The following CHD9 variants were observed in gnomAD, a reference collection of about 807,000 sequenced individuals.
CHD9 encodes the protein ATP-dependent chromatin remodeler CHD9.
CHD9 carries 77 observed loss-of-function variants against 316.1 expected under a neutral mutation model. That is an observed-to-expected ratio of 0.24 (90% CI 0.20 to 0.29). The LOEUF (loss-of-function observed/expected upper bound fraction) is 0.29. Among genes scored for constraint, CHD9 ranks in the 10% least tolerant of loss-of-function variants. The pLI, the probability that CHD9 is intolerant of heterozygous loss-of-function variation, is 1.00. For synonymous variants in CHD9, 1,129 were observed against 1,158.3 expected, an observed-to-expected ratio of 0.97 and a Z score of 0.51; for missense variants, 2,763 against 3,438.1, an observed-to-expected ratio of 0.80 and a Z score of 4.91.
At position 53,314,451 on chromosome 16, in the gene CHD9, G is replaced by A; in HGVS notation, c.7297G>A (p.Gly2433Arg). 6.3e-7 allele frequency: 1 copy of A among 1,586,022 alleles called. No individual in the cohort carries two copies. The highest frequency in any genetic ancestry group is 8.6e-7 in the Non-Finnish European group (1 of 1,164,620). The change falls in exon 35 of 39, where the codon GGA becomes AGA. Residue 2433 changes from glycine (G) to arginine (R), a missense_variant. This residue lies in a region of CHD9 where 663 missense variants were observed against 751.2 expected (regional missense o/e 0.88). Transcript: ENST00000447540. Reference sequence around the variant, plus strand: ...CCAGCCTATAGTCAAAAAAAGGCGAGGAAGGAGGAAGAATGTAGAAGGTGT... The same window carrying A: ...CCAGCCTATAGTCAAAAAAAGGCGAAGAAGGAGGAAGAATGTAGAAGGTGT... ...DNQPIVKKRR[G>R]RRKNVEGVDI...
In CHD9 at chr16:53,238,469, T is replaced by G. The variant is rs767187003; in HGVS notation, c.2760T>G (p.Ile920Met). Residue 920 changes from isoleucine to methionine, a missense_variant, in exon 12 of 39, where the codon ATT (isoleucine) becomes ATG (methionine). This residue lies in a region of CHD9 where 186 missense variants were observed against 245.0 expected (regional missense o/e 0.76). Transcript: ENST00000447540. ...TGATTATTGCTCCACTTTCTACTAT[T>G]GCAAACTGGGAGAGAGAATTTCGTA... ...PFLIIAPLST[I>M]ANWEREFRTW... The G allele has an allele frequency of 1.6e-5, 26 of 1,613,366 alleles. No homozygotes were observed. Among genetic ancestry groups the G allele is most frequent in the Non-Finnish European group, 2.1e-5 (25 of 1,179,576 alleles).
At chr16:53,178,578 G>GTAGCTGGGATCTCCCAGT (rs1390412806) in intron 2 of CHD9, among the ~76,000 whole-genome samples, 1 of 151,858 alleles carries the variant, frequency 6.6e-6, no homozygotes, top group African/African-American at 2.4e-5. Flanking sequence ...AGCCTCCCAT[G>GTAGCTGGGATCTCCCAGT]TAGCTGGGAT....
At chr16:53,291,065 C>T (rs1445303512) in intron 27 of CHD9, among the ~76,000 whole-genome samples, 1 of 151,934 alleles carries the variant, frequency 6.6e-6, no homozygotes, top group East Asian at 1.9e-4. Flanking sequence ...AAGTCCACTC[C>T]AAGAAACATC....
Position 53,209,638 on chromosome 16 carries a change from G to A in CHD9, c.1609G>A (p.Ala537Thr), listed in dbSNP as rs772234341. Residue 537 changes from alanine (A) to threonine (T), a missense_variant, in exon 3 of 39, where the codon GCA becomes ACA. Coordinates refer to ENST00000447540, the MANE Select transcript of CHD9 (RefSeq NM_001308319.2). ...NRIISEAIAK[A>T]KERGERNIPR... ...TATAATATCAGAGGCCATAGCAAAA[G>A]CAAAGGAGCGTGGGGAACGCAATAT... The A allele has an allele frequency of 1.2e-6, 2 of 1,613,856 alleles. No individual in the cohort carries two copies. The highest frequency in any genetic ancestry group is 2.2e-5 in the South Asian group (2 of 91,086).
At chr16:53,067,117 A>C (rs1455960676) in intron 1 of CHD9, among the ~76,000 whole-genome samples, 1 of 152,016 alleles carries the variant, frequency 6.6e-6, no homozygotes, top group Non-Finnish European at 1.5e-5. Context: ...TAATATTTTT[A>C]TTTATGGTAG....
At chr16:53,273,875 G>A (rs1213958438) in intron 23 of CHD9, 90 bp downstream of exon 23, 6 of 1,207,592 alleles carry the variant, frequency 5.0e-6, no homozygotes, top group Non-Finnish European at 7.0e-6. Context: ...TTTGAGTACA[G>A]AGACAGCATG....
chr16:53,159,306 A>T (rs2152751446), intron 2 of CHD9, among the ~76,000 whole-genome samples: 1 of 152,336 alleles, frequency 6.6e-6, no homozygotes, highest in African/African-American at 2.4e-5. Flanking sequence ...TATGAAAAAA[A>T]TACCAGAAGA....
intron 1 of CHD9, among the ~76,000 whole-genome samples, chr16:53,086,599 CTT>C (rs2035479449): frequency 6.6e-6 from 1 of 152,122 alleles, no homozygotes; most frequent in Non-Finnish European, 1.5e-5. Flanking sequence ...GTGTTGGTGT[CTT>C]TAAAATGAGG....
intron 1 of CHD9, among the ~76,000 whole-genome samples, chr16:53,138,170 C>T (rs940259869): frequency 3.9e-5 from 6 of 152,076 alleles, no homozygotes; most frequent in East Asian, 1.9e-4. Context: ...TCTTAGTATA[C>T]CTTAGGTTGA....
At chr16:53,170,022 A>G (rs1241716704) in intron 2 of CHD9, among the ~76,000 whole-genome samples, 2 of 150,272 alleles carry the variant, frequency 1.3e-5, no homozygotes, top group African/African-American at 2.4e-5. Context: ...TTGGTTATTC[A>G]TAATTCAGGT....
chr16:53,275,479 G>C (rs1256796514), intron 24 of CHD9, among the ~76,000 whole-genome samples: 1 of 152,120 alleles, frequency 6.6e-6, no homozygotes, highest in Non-Finnish European at 1.5e-5. Context: ...TCAGTAAGGA[G>C]GAAATAGAAA....
At position 53,307,880 on chromosome 16, in the gene CHD9, A is replaced by C. The variant is rs1057467322; in HGVS notation, c.6980A>C (p.His2327Pro). Residue 2327 changes from histidine (H) to proline (P), a missense_variant, in exon 33 of 39, where the codon CAT (histidine) becomes CCT (proline). Around this residue, in one of 15 missense-constraint regions of CHD9, gnomAD observed 663 missense variants for 751.2 expected, o/e 0.88. Coordinates refer to ENST00000447540, the MANE Select transcript of CHD9 (RefSeq NM_001308319.2). ...CCAGGTGCCGGTGTTAAAGAAGAAC[A>C]TGATCAGTCAACACAGATGTCAAAG... Reference protein sequence around the residue: ...TPPGAGVKEEHDQSTQMSKVK... With the variant: ...TPPGAGVKEEPDQSTQMSKVK... The C allele has an allele frequency of 6.2e-7, 1 of 1,613,864 alleles. No homozygotes were observed. The highest frequency in any genetic ancestry group is 1.7e-5 in the Admixed American group (1 of 59,996).
At chr16:53,306,826 C>G (rs1293056030) in intron 32 of CHD9, among the ~76,000 whole-genome samples, 1 of 152,090 alleles carries the variant, frequency 6.6e-6, no homozygotes, top group Non-Finnish European at 1.5e-5. Context: ...GTCGCCCAAG[C>G]TGGCTTACAG....
chr16:53,313,374 C>T (rs187075371), intron 34 of CHD9, among the ~76,000 whole-genome samples: 52 of 152,130 alleles, frequency 3.4e-4, no homozygotes, highest in African/African-American at 1.2e-3. Flanking sequence ...GGCATGATCT[C>T]GGCTCACAGC....
intron 5 of CHD9, among the ~76,000 whole-genome samples, chr16:53,226,735 ATATGT>A (rs2047685840): frequency 6.6e-6 from 1 of 152,136 alleles, no homozygotes; most frequent in Non-Finnish European, 1.5e-5. Context: ...CCTCCTAAAT[ATATGT>A]TCTTGAAATT....
intron 7 of CHD9, 64 bp downstream of exon 7, chr16:53,227,667 A>G: frequency 2.4e-6 from 1 of 419,442 alleles, no homozygotes. Flanking sequence ...AATATATTTA[A>G]TAAATTAAAA....
intron 1 of CHD9, among the ~76,000 whole-genome samples, chr16:53,125,135 G>A (rs1230450389): frequency 6.6e-6 from 1 of 150,910 alleles, no homozygotes; most frequent in African/African-American, 2.4e-5. Flanking sequence ...TTGTTGTTTA[G>A]TTGTAAGTGC....
At chr16:53,084,470 T>C (rs1596922167) in intron 1 of CHD9, among the ~76,000 whole-genome samples, 1 of 152,008 alleles carries the variant, frequency 6.6e-6, no homozygotes, top group Non-Finnish European at 1.5e-5. Flanking sequence ...CCTGGCAGGG[T>C]GCGGTGGCTC....
At chr16:53,241,970 C>T (rs1802355232) in intron 12 of CHD9, among the ~76,000 whole-genome samples, 2 of 152,216 alleles carry the variant, frequency 1.3e-5, no homozygotes, top group South Asian at 4.1e-4. Context: ...ATCCCCTCCC[C>T]AACTCACTGG....
Sources: gnomAD v4.1 joint callset for allele counts (sites outside exome capture counted in the v4.1 genomes callset) on GRCh38, gnomAD v4.1.1 for gene constraint, gnomAD v4.1.1 regional missense constraint, MANE v1.5 for transcripts, NCBI Gene and HGNC (gene_info 2026-07-23, HGNC 2026-07-21) for gene names.